SLC44A5: variants seen among roughly 807,000 people sequenced by gnomAD.
SLC44A5 encodes the protein choline transporter-like protein 5.
SLC44A5 carries 57 observed loss-of-function variants against 101.8 expected under a neutral mutation model. The ratio of observed to expected loss-of-function variants is 0.56; its 90% CI spans 0.45 to 0.70. The LOEUF is 0.70. SLC44A5 is among the 30% of genes least tolerant of loss of function. The pLI is 0.00. For missense variants in SLC44A5, 737 were observed against 853.1 expected (o/e 0.86, Z 1.70); for synonymous variants, 281 against 290.9 (o/e 0.97, Z 0.35).
intron 3 of SLC44A5, among the ~76,000 whole-genome samples, chr1:75,386,504 G>T (rs1427224409): frequency 1.3e-5 from 2 of 152,310 alleles, no homozygotes; most frequent in Middle Eastern, 3.4e-3. Context: ...ACTTACAAGG[G>T]ATGTGAAGGA....
chr1:75,361,966 T>A (rs1446172615), intron 3 of SLC44A5, among the ~76,000 whole-genome samples: 1 of 152,022 alleles, frequency 6.6e-6, no homozygotes, highest in Non-Finnish European at 1.5e-5. Context: ...GAAGACATTT[T>A]GTTACTGATT....
At chr1:75,524,886 G>A in intron 2 of SLC44A5, among the ~76,000 whole-genome samples, 1 of 151,890 alleles carries the variant, frequency 6.6e-6, no homozygotes. Flanking sequence ...TTAGTTCACT[G>A]GCTGTTGAAA....
At chr1:75,558,087 G>T (rs1369553125) in intron 1 of SLC44A5, among the ~76,000 whole-genome samples, 2 of 151,950 alleles carry the variant, frequency 1.3e-5, no homozygotes, top group African/African-American at 2.4e-5. Flanking sequence ...TTTGATAACT[G>T]CTACAGTAAA....
At chr1:75,647,370 A>G in the SLC44A5 span, among the ~76,000 whole-genome samples, 13 of 152,216 alleles carry the variant, frequency 8.5e-5, no homozygotes, top group African/African-American at 2.9e-4. Flanking sequence ...TGCAGGGCAG[A>G]GCCCTCATGG....
chr1:75,263,690 T>C (rs1191129657), intron 6 of SLC44A5, among the ~76,000 whole-genome samples: 1 of 152,192 alleles, frequency 6.6e-6, no homozygotes, highest in Non-Finnish European at 1.5e-5. Context: ...CGTATGTTTA[T>C]TGCAGCACTG....
the SLC44A5 span, among the ~76,000 whole-genome samples, chr1:75,625,048 C>T: frequency 6.6e-6 from 1 of 151,970 alleles, no homozygotes; most frequent in Non-Finnish European, 1.5e-5. Context: ...CCAAAGTTCC[C>T]GCAAAAACTA....
the SLC44A5 span, among the ~76,000 whole-genome samples, chr1:75,629,744 T>C: frequency 2.6e-5 from 4 of 152,150 alleles, no homozygotes; most frequent in East Asian, 5.8e-4. Context: ...TGAAAAACCA[T>C]GCTGGAAGTA....
chr1:75,640,680 C>T, the SLC44A5 span, among the ~76,000 whole-genome samples: 1 of 152,042 alleles, frequency 6.6e-6, no homozygotes, highest in African/African-American at 2.4e-5. Context: ...TTCAAACAGA[C>T]CTTCATAGGA....
rs151114064 is a variant in SLC44A5, at chr1:75,502,648, C to T, written c.13+38787G>A. ...ATACATGTGCCATGTTGGTGTGCTG[C>T]ACCCATTAACTGGTCATTTAGCATT... is the stretch of plus-strand genomic sequence containing the variant. On this transcript the variant is annotated intron_variant, in intron 2 of 23. Transcript: ENST00000370859. Among the ~76,000 whole-genome samples, 875 of 152,100 alleles carry T rather than the reference C, an allele frequency of 5.8e-3. 3 individuals are homozygous for T. The highest frequency in any genetic ancestry group is 0.02 in the African/African-American group (838 of 41,464).
intron 4 of SLC44A5, among the ~76,000 whole-genome samples, chr1:75,311,958 T>C (rs1655335535): frequency 6.6e-6 from 1 of 152,152 alleles, no homozygotes; most frequent in African/African-American, 2.4e-5. Flanking sequence ...GCCAGTGATA[T>C]GGTTTGGCTG....
chr1:75,254,737 C>T (rs1653996882), intron 6 of SLC44A5, among the ~76,000 whole-genome samples: 1 of 152,028 alleles, frequency 6.6e-6, no homozygotes, highest in Admixed American at 6.6e-5. Context: ...TGTTAGAAAT[C>T]ATGAAACATG....
the SLC44A5 span, among the ~76,000 whole-genome samples, chr1:75,703,765 T>C: frequency 2.2e-4 from 33 of 152,014 alleles, no homozygotes; most frequent in Middle Eastern, 3.4e-3. Flanking sequence ...GTGCCACGCC[T>C]GTTCAGTACC....
chr1:75,580,308 T>C (rs1374471849), intron 1 of SLC44A5, among the ~76,000 whole-genome samples: 10 of 152,104 alleles, frequency 6.6e-5, no homozygotes, highest in Non-Finnish European at 5.9e-5. Context: ...ACATGCAGCA[T>C]TCTGAAAAAT....
chr1:75,594,813 TAAAC>T (rs1392626723), intron 1 of SLC44A5, among the ~76,000 whole-genome samples: 1 of 151,830 alleles, frequency 6.6e-6, no homozygotes, highest in African/African-American at 2.4e-5. Context: ...GAAAGATTAT[TAAAC>T]TAACAATGTT....
At chr1:75,713,044 C>T in the SLC44A5 span, among the ~76,000 whole-genome samples, 22 of 152,264 alleles carry the variant, frequency 1.4e-4, no homozygotes, top group Middle Eastern at 3.4e-3. Context: ...GCTCCTGTTC[C>T]GCCTAACCAC....
At chr1:75,679,107 C>T in the SLC44A5 span, among the ~76,000 whole-genome samples, 6 of 152,164 alleles carry the variant, frequency 3.9e-5, no homozygotes, top group African/African-American at 1.4e-4. Context: ...AAATATGGGA[C>T]TATGTGAAAA....
At chr1:75,705,032 T>A in the SLC44A5 span, among the ~76,000 whole-genome samples, 7 of 152,184 alleles carry the variant, frequency 4.6e-5, no homozygotes, top group African/African-American at 1.7e-4. Flanking sequence ...TTTATCTACA[T>A]CAGCTGAGAT....
chr1:75,359,051 A>G (rs1041438385), intron 3 of SLC44A5, among the ~76,000 whole-genome samples: 1 of 151,052 alleles, frequency 6.6e-6, no homozygotes, highest in Non-Finnish European at 1.5e-5. Flanking sequence ...TATGAGTTTG[A>G]CATTTTGAGA....
intron 6 of SLC44A5, 52 bp from the exon 7 acceptor site, chr1:75,251,346 T>C (rs781551841): frequency 7.0e-7 from 1 of 1,436,318 alleles, no homozygotes; most frequent in East Asian, 2.3e-5. Flanking sequence ...ATGTTCCATA[T>C]CATTTCAGAC....
Sources: gnomAD v4.1 joint callset for allele counts (sites outside exome capture counted in the v4.1 genomes callset) on GRCh38, gnomAD v4.1.1 for gene constraint, MANE v1.5 for transcripts, NCBI Gene and HGNC (gene_info 2026-07-23, HGNC 2026-07-21) for gene names.